The following NAPA variants were observed in gnomAD, a reference collection of about 807,000 sequenced individuals.
NAPA encodes the protein alpha-soluble NSF attachment protein.
NAPA carries 18 observed loss-of-function variants against 48.0 expected under a neutral mutation model. The ratio of observed to expected loss-of-function variants is 0.38; its 90% CI spans 0.26 to 0.56. The LOEUF (loss-of-function observed/expected upper bound fraction) is 0.56. Among genes scored for constraint, NAPA ranks in the 20% least tolerant of loss-of-function variants. NAPA has a pLI of 0.77. For missense variants in NAPA, 315 were observed against 385.0 expected (o/e 0.82, Z 1.52); for synonymous variants, 152 against 149.9 (o/e 1.01, Z -0.10).
rs1386524848 is a variant in NAPA, at chr19:47,506,988, A to G, written c.99-3486T>C. The G allele has an allele frequency of 6.6e-6, 1 of 152,278 alleles. No homozygotes were observed. Among genetic ancestry groups the G allele is most frequent in the Non-Finnish European group, 1.5e-5 (1 of 68,056 alleles). The allele number at this position is 152,278 out of a possible 1,614,324, so 9.4% of individuals were successfully genotyped here. ...ACATTTATTCACCTGGGGAACAGGTATCCGAGCATTTATTACGTGCCAGGA... is the reference window on the plus strand; with the variant it reads ...ACATTTATTCACCTGGGGAACAGGTGTCCGAGCATTTATTACGTGCCAGGA... On this transcript the variant is annotated intron_variant, in intron 1 of 10. Coordinates refer to ENST00000263354, the MANE Select transcript of NAPA (RefSeq NM_003827.4). This position sits in a 1 kb window ranked among gnomAD's most constrained non-coding sequence, Gnocchi z 4.0.
chr19:47,488,184 C>G lies in NAPA; in HGVS notation c.*104G>C, dbSNP rs830149. 0.92 allele frequency: 1,032,267 copies of G among 1,117,244 alleles called. 479,963 individuals carry two copies. Among genetic ancestry groups the G allele is most frequent in the Non-Finnish European group, 0.95 (735,379 of 775,194 alleles). 69.2% of individuals were successfully genotyped at this position (1,117,244 alleles called of 1,614,324 possible). A position where few individuals can be genotyped will look rare whatever the true frequency, so the allele number is the denominator to read the frequency against. On this transcript the variant is annotated 3_prime_UTR_variant, in exon 11 of 11. Transcript: ENST00000263354. The stretch of plus-strand genomic sequence containing the variant: ...GCCACCTGCCCACTGTGGCCCGCGG[C>G]ACTCCCCAGATGGGAAAGGAGGGAA...
chr19:47,486,182 CTG>C (rs1288435271), downstream of NAPA, among the ~76,000 whole-genome samples: 3 of 152,124 alleles, frequency 2.0e-5, no homozygotes, highest in Non-Finnish European at 4.4e-5. Flanking sequence ...TGGTGAAACG[CTG>C]TCTCTGCTAA....
intron 7 of NAPA, 67 bp downstream of exon 7, chr19:47,492,894 G>C: frequency 6.7e-7 from 1 of 1,502,114 alleles, no homozygotes; most frequent in Non-Finnish European, 9.3e-7. Context: ...AAGGTGCCGG[G>C]GCTTAGGAGG....
downstream of NAPA, among the ~76,000 whole-genome samples, chr19:47,485,843 G>A (rs1968058121): frequency 6.6e-6 from 1 of 152,244 alleles, no homozygotes; most frequent in Non-Finnish European, 1.5e-5. Context: ...CTGGCATGCA[G>A]CAGGTGCTTA....
downstream of NAPA, among the ~76,000 whole-genome samples, chr19:47,486,364 AC>A (rs1456352067): frequency 6.6e-6 from 1 of 152,104 alleles, no homozygotes. Context: ...CAAAAAAAAA[AC>A]AAACCCAAAA....
chr19:47,485,847 G>A (rs1012230440), downstream of NAPA, among the ~76,000 whole-genome samples: 3 of 152,212 alleles, frequency 2.0e-5, no homozygotes, highest in Admixed American at 6.5e-5. Flanking sequence ...CATGCAGCAG[G>A]TGCTTAGTGA....
At chr19:47,486,419 G>A (rs886744615), downstream of NAPA, among the ~76,000 whole-genome samples, 1 of 151,998 alleles carries the variant, frequency 6.6e-6, no homozygotes, top group African/African-American at 2.4e-5. Context: ...CAATTTATCA[G>A]AGTGCGGCCC....
intron 1 of NAPA, among the ~76,000 whole-genome samples, chr19:47,507,729 C>T (rs751738311): frequency 3.3e-5 from 5 of 152,232 alleles, no homozygotes; most frequent in South Asian, 2.1e-4. Context: ...TCACGGCTGG[C>T]GCATGGCGTT....
intron 1 of NAPA, among the ~76,000 whole-genome samples, chr19:47,505,716 T>C (rs954540549): frequency 6.6e-6 from 1 of 152,184 alleles, no homozygotes; most frequent in East Asian, 1.9e-4. Context: ...GCCCCCACGG[T>C]GGGCGGGCTG....
intron 2 of NAPA, among the ~76,000 whole-genome samples, chr19:47,502,994 G>A (rs901167852): frequency 6.6e-6 from 1 of 152,170 alleles, no homozygotes; most frequent in African/African-American, 2.4e-5. Flanking sequence ...CTGTGCTAAC[G>A]CAATTAAATG....
intron 1 of NAPA, among the ~76,000 whole-genome samples, chr19:47,507,142 C>G (rs1389069021): frequency 4.6e-5 from 7 of 152,100 alleles, no homozygotes; most frequent in Non-Finnish European, 8.8e-5. Flanking sequence ...CTTCACTCCT[C>G]CCATCCCACG....
At chr19:47,489,873 GA>G (rs1968192027) in intron 9 of NAPA, 112 bp from the exon 10 acceptor site, 1 of 1,092,788 alleles carries the variant, frequency 9.2e-7, no homozygotes, top group Admixed American at 2.0e-5. Context: ...GGGGCTTCCT[GA>G]GGACTCTCAG....
At chr19:47,488,682 G>C (rs1458865141) in intron 10 of NAPA, 1 of 181,186 alleles carries the variant, frequency 5.5e-6, no homozygotes, top group African/African-American at 2.4e-5. Context: ...CACTTTGGGA[G>C]GCTGAGGCGG....
intron 1 of NAPA, among the ~76,000 whole-genome samples, chr19:47,504,199 G>A (rs1968645594): frequency 1.3e-5 from 2 of 152,122 alleles, no homozygotes; most frequent in South Asian, 4.1e-4. Context: ...TTCGAGACCA[G>A]CCTGGGCCAC....
chr19:47,491,022 C>T lies in NAPA; in HGVS notation c.667-166G>A, dbSNP rs977769921. The T allele has an allele frequency of 2.5e-5, 14 of 565,878 alleles. No individual in the cohort carries two copies. The Admixed American group carries it at 2.5e-4, about 10-fold the overall frequency. The allele number at this position is 565,878 out of a possible 1,614,324, so 35.1% of individuals were successfully genotyped here. On this transcript the variant is annotated intron_variant, in intron 8 of 10. Transcript: ENST00000263354. ...GGCTCTGTGTCTGTCAGTACCTTCCCGTAGCTGAGCTCAGCACCAGCCTGG... is the reference window on the plus strand; with the variant it reads ...GGCTCTGTGTCTGTCAGTACCTTCCTGTAGCTGAGCTCAGCACCAGCCTGG...
At chr19:47,490,930 G>C in intron 8 of NAPA, 74 bp from the exon 9 acceptor site, 1 of 1,344,568 alleles carries the variant, frequency 7.4e-7, no homozygotes, top group Non-Finnish European at 1.0e-6. Flanking sequence ...GCAGCTGAGG[G>C]GACTTGGGGA....
chr19:47,496,841 A>C lies in NAPA; in HGVS notation c.296-1245T>G, dbSNP rs985514399. 2.4e-5 allele frequency: 11 copies of C among 456,100 alleles called. No individual in the cohort carries two copies. In the Middle Eastern group the frequency reaches 9.7e-4, roughly 40 times the overall value. 28.3% of individuals were successfully genotyped at this position (456,100 alleles called of 1,614,324 possible). A position where few individuals can be genotyped will look rare whatever the true frequency, so the allele number is the denominator to read the frequency against. ...TTCTGACATGTAAACAGTGGGGTCC[A>C]TAAGCACTCCTCTGGGGAGTGGGGT... On this transcript the variant is annotated intron_variant, in intron 3 of 10. Coordinates refer to ENST00000263354, the MANE Select transcript of NAPA (RefSeq NM_003827.4).
chr19:47,486,241 G>C (rs530356162), downstream of NAPA, among the ~76,000 whole-genome samples: 2 of 152,204 alleles, frequency 1.3e-5, no homozygotes, highest in African/African-American at 4.8e-5. Context: ...TGTAATCCCA[G>C]CTACTCGGGA....
chr19:47,504,143 C>T (rs1224485276), intron 1 of NAPA, among the ~76,000 whole-genome samples: 1 of 151,710 alleles, frequency 6.6e-6, no homozygotes, highest in African/African-American at 2.4e-5. Flanking sequence ...CCTGTAATCC[C>T]AACACTTTGG....
Sources: allele counts gnomAD v4.1 joint callset (sites outside exome capture counted in the v4.1 genomes callset), GRCh38; gene constraint gnomAD v4.1.1; non-coding constraint Gnocchi (gnomAD v3.1); transcripts MANE v1.5; gene names NCBI Gene and HGNC (gene_info 2026-07-23, HGNC 2026-07-21).